The following RALGAPA1 variants were observed in gnomAD, a reference collection of about 807,000 sequenced individuals.
The protein encoded by RALGAPA1 is Ral GTPase activating protein catalytic subunit alpha 1.
Under a neutral mutation model 269.6 loss-of-function variants are expected in RALGAPA1, and 52 were observed. That is an observed-to-expected ratio of 0.19 (90% CI 0.15 to 0.24). The LOEUF is 0.24. Among genes scored for constraint, RALGAPA1 ranks in the 10% least tolerant of loss-of-function variants. The pLI is 1.00. For missense variants in RALGAPA1, 1,917 were observed against 3,013.9 expected, an observed-to-expected ratio of 0.64 and a Z score of 8.52; for synonymous variants, 817 against 1,008.3, an observed-to-expected ratio of 0.81 and a Z score of 3.60.
chr14:35,588,932 G>A (rs2058472492), intron 37 of RALGAPA1, among the ~76,000 whole-genome samples: 1 of 152,148 alleles, frequency 6.6e-6, no homozygotes, highest in African/African-American at 2.4e-5. Flanking sequence ...CCTTACAAAT[G>A]AAGGAAATCC....
chr14:35,765,870 G>C (rs1335977571), intron 4 of RALGAPA1: 2 of 788,472 alleles, frequency 2.5e-6, no homozygotes, highest in Non-Finnish European at 4.3e-6. Flanking sequence ...TGTTGGATTA[G>C]GGAGCTCTAC....
chr14:35,547,859 T>C (rs2054588063), intron 41 of RALGAPA1, among the ~76,000 whole-genome samples: 1 of 152,102 alleles, frequency 6.6e-6, no homozygotes, highest in Non-Finnish European at 1.5e-5. Flanking sequence ...AATTTAATGA[T>C]GACAGGAATG....
At chr14:35,694,069 C>T (rs904405856) in intron 17 of RALGAPA1, among the ~76,000 whole-genome samples, 15 of 151,278 alleles carry the variant, frequency 9.9e-5, no homozygotes, top group African/African-American at 3.2e-4. Flanking sequence ...TTAATAAATA[C>T]TGGTAGAAGA....
At chr14:35,623,808 G>A (rs1286311635) in intron 35 of RALGAPA1, among the ~76,000 whole-genome samples, 11 of 152,140 alleles carry the variant, frequency 7.2e-5, no homozygotes, top group East Asian at 3.8e-4. Context: ...GGCCGGGCGC[G>A]GTGGCTCACG....
At chr14:35,692,754 T>G (rs746985557) in intron 17 of RALGAPA1, among the ~76,000 whole-genome samples, 1 of 151,984 alleles carries the variant, frequency 6.6e-6, no homozygotes, top group Non-Finnish European at 1.5e-5. Flanking sequence ...TTATGCTAAA[T>G]TCAGATCAAG....
chr14:35,540,151 G>T (rs1278834259), intron 41 of RALGAPA1, among the ~76,000 whole-genome samples: 1 of 152,060 alleles, frequency 6.6e-6, no homozygotes, highest in Non-Finnish European at 1.5e-5. Context: ...CAAAAAGGAA[G>T]TCAGTTTCAC....
intron 17 of RALGAPA1, among the ~76,000 whole-genome samples, chr14:35,693,887 G>A (rs1253295732): frequency 6.6e-6 from 1 of 151,856 alleles, no homozygotes; most frequent in East Asian, 1.9e-4. Context: ...TGTTCAAAAA[G>A]TTTCCTGTGT....
intron 16 of RALGAPA1, among the ~76,000 whole-genome samples, chr14:35,710,442 G>C (rs937016664): frequency 3.9e-5 from 6 of 152,110 alleles, no homozygotes; most frequent in East Asian, 1.9e-4. Context: ...ATTTTTAGTA[G>C]AGACAGGGTT....
chr14:35,592,586 G>A (rs1384886904), intron 37 of RALGAPA1, among the ~76,000 whole-genome samples: 1 of 152,184 alleles, frequency 6.6e-6, no homozygotes, highest in Non-Finnish European at 1.5e-5. Context: ...GAACACTGAT[G>A]CAAAAATCCT....
chr14:35,648,610 T>C (rs111590350), intron 31 of RALGAPA1, among the ~76,000 whole-genome samples: 1 of 151,332 alleles, frequency 6.6e-6, no homozygotes, highest in African/African-American at 2.4e-5. Flanking sequence ...CTGACCAGCC[T>C]AGGCAACATA....
chr14:35,610,575 C>A (rs1281659420), intron 35 of RALGAPA1, among the ~76,000 whole-genome samples: 1 of 152,094 alleles, frequency 6.6e-6, no homozygotes, highest in Non-Finnish European at 1.5e-5. Flanking sequence ...AGCCACTGCG[C>A]CTGGCCAAAA....
At chr14:35,782,686 A>T (rs2075528306) in intron 1 of RALGAPA1, among the ~76,000 whole-genome samples, 1 of 151,838 alleles carries the variant, frequency 6.6e-6, no homozygotes. Flanking sequence ...GGCCTCCCAA[A>T]GTGCTGGGAT....
intron 6 of RALGAPA1, among the ~76,000 whole-genome samples, chr14:35,757,584 A>G (rs1458467657): frequency 1.3e-5 from 2 of 152,256 alleles, no homozygotes; most frequent in African/African-American, 2.4e-5. Flanking sequence ...CAAAAATTCC[A>G]TAAGATGACA....
intron 36 of RALGAPA1, 82 bp downstream of exon 36, chr14:35,605,504 C>T: frequency 2.2e-6 from 3 of 1,388,346 alleles, no homozygotes; most frequent in Middle Eastern, 2.7e-4. Context: ...TAAAATAATA[C>T]TTCTATAATA....
intron 1 of RALGAPA1, among the ~76,000 whole-genome samples, chr14:35,805,050 G>A (rs2077256877): frequency 1.3e-5 from 2 of 152,174 alleles, no homozygotes; most frequent in African/African-American, 4.8e-5. Context: ...CACTTTGGGA[G>A]GCTGAGGCAG....
rs540503363 is a variant in RALGAPA1, at chr14:35,621,983, T to A, written c.6929+3378A>T. On this transcript the variant is annotated intron_variant, in intron 35 of 41. Coordinates refer to ENST00000680220, the MANE Select transcript of RALGAPA1 (RefSeq NM_001346249.2). Reference sequence around the variant, plus strand: ...ATTCCTCAAGGATCTAGAACTAGAATTACCATTTGACCCAGCAATACCGTT... The same window carrying A: ...ATTCCTCAAGGATCTAGAACTAGAAATACCATTTGACCCAGCAATACCGTT... Among the ~76,000 whole-genome samples, 74 of 152,134 alleles carry A rather than the reference T, an allele frequency of 4.9e-4. 1 individual carries two copies. The highest frequency in any genetic ancestry group is 1.0e-3 in the Non-Finnish European group (69 of 68,022).
Position 35,688,737 on chromosome 14 carries a change from C to A in RALGAPA1, c.3674G>T (p.Ser1225Ile), listed in dbSNP as rs2140438890. The change falls in exon 18 of 42, where the codon AGC (serine) becomes ATC (isoleucine). Residue 1225 changes from serine (S) to isoleucine (I), a missense_variant. Ser to Ile is a moderately radical substitution (Grantham distance 142). This residue lies in a region of RALGAPA1 where 615 missense variants were observed against 790.0 expected (regional missense o/e 0.78). Coordinates refer to ENST00000680220, the MANE Select transcript of RALGAPA1 (RefSeq NM_001346249.2). The part of the protein sequence containing the change: ...LDTLGTASVS[S>I]KTVKESTEIP... ...CTCTGTGGATTCCTTCACTGTTTTG[C>A]TGCTTACTGATGCAGTACCAAGTGT... is the stretch of plus-strand genomic sequence containing the variant. The A allele has an allele frequency of 1.4e-6, 2 of 1,466,116 alleles. No homozygotes were observed. Among genetic ancestry groups the A allele is most frequent in the Non-Finnish European group, 1.8e-6 (2 of 1,115,576 alleles). 90.8% of individuals were successfully genotyped at this position (1,466,116 alleles called of 1,614,324 possible). A position where few individuals can be genotyped will look rare whatever the true frequency, so the allele number is the denominator to read the frequency against.
At chr14:35,730,913 G>A (rs910660282) in intron 12 of RALGAPA1, among the ~76,000 whole-genome samples, 8 of 152,174 alleles carry the variant, frequency 5.3e-5, no homozygotes, top group African/African-American at 9.7e-5. Context: ...GCCACCTCCC[G>A]GCAAGAGGCC....
Position 35,605,387 on chromosome 14 carries a change from T to A in RALGAPA1, c.7053+199A>T, listed in dbSNP as rs566976321. 4.6e-5 allele frequency among the ~76,000 whole-genome samples: 7 copies of A among 152,270 alleles called. No homozygotes were observed. In the South Asian group the frequency reaches 1.4e-3, roughly 32 times the overall value. The stretch of plus-strand genomic sequence containing the variant: ...TACTCTTTCACAATATACTGTCTCA[T>A]AAAATAGTCAACATCTTTCCTTTCA... On this transcript the variant is annotated intron_variant, in intron 36 of 41. Coordinates refer to ENST00000680220, the MANE Select transcript of RALGAPA1 (RefSeq NM_001346249.2).
Sources: gnomAD v4.1 joint callset for allele counts (sites outside exome capture counted in the v4.1 genomes callset) on GRCh38, gnomAD v4.1.1 for gene constraint, gnomAD v4.1.1 regional missense constraint, MANE v1.5 for transcripts, NCBI Gene and HGNC (gene_info 2026-07-23, HGNC 2026-07-21) for gene names.